ALKBH8: variants seen among roughly 807,000 people sequenced by gnomAD.
ALKBH8 encodes the protein alkB homolog 8, tRNA methyltransferase.
In ALKBH8, 36 loss-of-function variants were observed where a neutral mutation model predicts 59.8. That is an observed-to-expected ratio of 0.60 (90% CI 0.46 to 0.79). The LOEUF (loss-of-function observed/expected upper bound fraction) is 0.79, where lower values mean the gene tolerates loss of function less well. ALKBH8 is among the 30% of genes least tolerant of loss of function. ALKBH8 has a pLI of 0.00. For synonymous variants in ALKBH8, 276 were observed against 273.6 expected, an observed-to-expected ratio of 1.01 and a Z score of -0.09; for missense variants, 768 against 801.0, an observed-to-expected ratio of 0.96 and a Z score of 0.50.
At chr11:107,524,856 C>CA (rs1324889970) in intron 9 of ALKBH8, among the ~76,000 whole-genome samples, 1 of 151,990 alleles carries the variant, frequency 6.6e-6, no homozygotes, top group Non-Finnish European at 1.5e-5. Context: ...ATATTATTTA[C>CA]AAAATGAAAG....
chr11:107,547,069 C>T (rs1347180735), intron 7 of ALKBH8, among the ~76,000 whole-genome samples: 1 of 152,002 alleles, frequency 6.6e-6, no homozygotes, highest in African/African-American at 2.4e-5. Context: ...GAGTCTTTGA[C>T]ATTATATTTA....
At chr11:107,562,377 A>G (rs1864973028) in intron 1 of ALKBH8, among the ~76,000 whole-genome samples, 1 of 152,098 alleles carries the variant, frequency 6.6e-6, no homozygotes, top group Non-Finnish European at 1.5e-5. Flanking sequence ...ACTGAAGGAT[A>G]AGAACACTAT....
intron 2 of ALKBH8, among the ~76,000 whole-genome samples, chr11:107,558,228 A>G (rs1358434447): frequency 1.3e-5 from 2 of 152,186 alleles, no homozygotes; most frequent in Non-Finnish European, 2.9e-5. Context: ...TTTGAAAAGG[A>G]TATAAAAGAA....
chr11:107,558,885 A>G (rs1864820850), intron 2 of ALKBH8, among the ~76,000 whole-genome samples: 1 of 152,176 alleles, frequency 6.6e-6, no homozygotes, highest in South Asian at 2.1e-4. Flanking sequence ...CTGTAATGCC[A>G]TAAATTTGTA....
intron 11 of ALKBH8, among the ~76,000 whole-genome samples, chr11:107,509,004 C>T (rs964252915): frequency 8.5e-5 from 13 of 152,142 alleles, no homozygotes; most frequent in Non-Finnish European, 1.5e-4. Flanking sequence ...TCTCTGCTTT[C>T]AATTCTTTTG....
At chr11:107,510,768 C>T in intron 11 of ALKBH8, 119 bp downstream of exon 11, 2 of 1,105,218 alleles carry the variant, frequency 1.8e-6, no homozygotes, top group Non-Finnish European at 2.5e-6. Context: ...AAAACTGTGA[C>T]AAGAAAAGAG....
chr11:107,553,190 T>C lies in ALKBH8; in HGVS notation c.513A>G (p.Leu171=). ...DTDNQNSQKS[L]KHRRVKHFGY... ...CAAAATGCTTTACTCTTCTGTGTTT[T>C]AAGGATTTTTGAGCTGTGTGAAGAG... The change falls in exon 5 of 12, where the codon TTA becomes TTG. Residue 171 remains leucine (L), a synonymous_variant. Transcript: ENST00000428149. The C allele has an allele frequency of 6.2e-7, 1 of 1,605,812 alleles. No individual in the cohort carries two copies.
intron 7 of ALKBH8, among the ~76,000 whole-genome samples, chr11:107,541,138 G>A (rs1864017204): frequency 6.6e-6 from 1 of 152,130 alleles, no homozygotes; most frequent in South Asian, 2.1e-4. Flanking sequence ...ACTTAATATA[G>A]CATCTACCAC....
chr11:107,527,332 G>T (rs1182102280), intron 8 of ALKBH8, among the ~76,000 whole-genome samples: 3 of 151,856 alleles, frequency 2.0e-5, no homozygotes, highest in Non-Finnish European at 4.4e-5. Flanking sequence ...AATCCTGAAG[G>T]ATCTCAGCAA....
At chr11:107,529,971 C>T (rs1036297175) in intron 8 of ALKBH8, among the ~76,000 whole-genome samples, 3 of 151,972 alleles carry the variant, frequency 2.0e-5, no homozygotes, top group African/African-American at 7.3e-5. Flanking sequence ...AGAAGTAGGC[C>T]CCCACCTAAA....
At chr11:107,543,111 G>T (rs540024141) in intron 7 of ALKBH8, among the ~76,000 whole-genome samples, 67 of 152,244 alleles carry the variant, frequency 4.4e-4, no homozygotes, top group African/African-American at 1.5e-3. Flanking sequence ...GGCCAAGGCG[G>T]GTGGATCACA....
Position 107,504,900 on chromosome 11 carries a change from T to C in ALKBH8, c.1753A>G (p.Thr585Ala). ...AGTACATCTTGAGAATAAAAAGAAG[T>C]CCTGTTAACATGAACAGGCAGCTTG... ...NSKLPVHVNR[T>A]SFYSQDVLVP... The change falls in exon 12 of 12, where the codon ACT (threonine) becomes GCT (alanine). Residue 585 changes from threonine (T) to alanine (A), a missense_variant. Physicochemically the swap from Thr to Ala is moderately conservative, Grantham distance 58. Coordinates refer to ENST00000428149, the MANE Select transcript of ALKBH8 (RefSeq NM_138775.3). 4.5e-6 allele frequency: 7 copies of C among 1,551,872 alleles called. No homozygotes were observed. Among genetic ancestry groups the C allele is most frequent in the Non-Finnish European group, 6.1e-6 (7 of 1,147,004 alleles).
At chr11:107,532,545 A>G (rs559132853) in intron 7 of ALKBH8, 139 bp from the exon 8 acceptor site, 3 of 637,510 alleles carry the variant, frequency 4.7e-6, no homozygotes, top group Non-Finnish European at 8.1e-6. Flanking sequence ...AGCATAGCAC[A>G]GTGGTTCTCA....
chr11:107,549,802 G>GT lies in ALKBH8; in HGVS notation c.721dup (p.Thr241AsnfsTer6). On this transcript the variant is annotated frameshift_variant, in exon 7 of 12. Transcript: ENST00000428149. LOFTEE classifies it high-confidence loss of function. ...GATCTCATCCTCAAAAGCGGAATGT[G>GT]TATCAATATGAGCGGGAATTCCTGA... 1.3e-6 allele frequency: 2 copies of GT among 1,550,104 alleles called. No individual in the cohort carries two copies.
At chr11:107,547,596 A>G (rs547700463) in intron 7 of ALKBH8, among the ~76,000 whole-genome samples, 17 of 152,364 alleles carry the variant, frequency 1.1e-4, no homozygotes, top group Admixed American at 5.9e-4. Context: ...ATAAAGGCCC[A>G]AATTTAGTGG....
At chr11:107,550,636 A>G (rs1864450000) in intron 6 of ALKBH8, among the ~76,000 whole-genome samples, 1 of 152,232 alleles carries the variant, frequency 6.6e-6, no homozygotes, top group Non-Finnish European at 1.5e-5. Context: ...GAGGTGTAGT[A>G]TTCACAAATC....
intron 7 of ALKBH8, among the ~76,000 whole-genome samples, chr11:107,547,571 C>A (rs887175370): frequency 6.6e-6 from 1 of 152,114 alleles, no homozygotes; most frequent in Non-Finnish European, 1.5e-5. Context: ...TTATTAATCT[C>A]ATTTTATAGA....
intron 5 of ALKBH8, among the ~76,000 whole-genome samples, chr11:107,552,277 T>A (rs997871442): frequency 6.6e-6 from 1 of 151,498 alleles, no homozygotes; most frequent in African/African-American, 2.4e-5. Context: ...TTATTTCCCT[T>A]AAAAAAAACA....
intron 7 of ALKBH8, among the ~76,000 whole-genome samples, chr11:107,540,247 C>CA (rs904251349): frequency 3.9e-5 from 6 of 152,114 alleles, no homozygotes; most frequent in African/African-American, 1.4e-4. Context: ...GAAAACACCA[C>CA]AAAAAAATCT....
Sources: gnomAD v4.1 joint callset for allele counts (sites outside exome capture counted in the v4.1 genomes callset) on GRCh38, gnomAD v4.1.1 for gene constraint, MANE v1.5 for transcripts, NCBI Gene and HGNC (gene_info 2026-07-23, HGNC 2026-07-21) for gene names.